The following TTC7B variants were observed in gnomAD, a reference collection of about 807,000 sequenced individuals.
The protein encoded by TTC7B is tetratricopeptide repeat domain 7B.
TTC7B carries 28 observed loss-of-function variants against 106.8 expected under a neutral mutation model. The ratio of observed to expected loss-of-function variants is 0.26; its 90% CI spans 0.19 to 0.36. The LOEUF (loss-of-function observed/expected upper bound fraction) is 0.36. TTC7B is among the 10% of genes least tolerant of loss of function. The probability of loss-of-function intolerance (pLI) is 1.00; values close to 1 mark genes in which losing one functional copy is unlikely to be tolerated. For missense variants in TTC7B, 862 were observed against 1,076.4 expected, an observed-to-expected ratio of 0.80 and a Z score of 2.79; for synonymous variants, 405 against 430.6, an observed-to-expected ratio of 0.94 and a Z score of 0.74.
intron 1 of TTC7B, among the ~76,000 whole-genome samples, chr14:90,801,680 G>A (rs2030275900): frequency 6.6e-6 from 1 of 152,150 alleles, no homozygotes; most frequent in African/African-American, 2.4e-5. Flanking sequence ...GAAGGACCTG[G>A]GAAGAGAAAC....
chr14:90,537,691 T>A lies in TTC7B; in HGVS notation c.*3677A>T, dbSNP rs1163350208. On this transcript the variant is annotated 3_prime_UTR_variant, in exon 20 of 20. Transcript: ENST00000328459. ...CTCCTCCCAGGTTACCTGTCTTTCT[T>A]CAGCCAGATGTCACCTTCTTAGCGA... 6.6e-6 allele frequency: 1 copy of A among 152,316 alleles called. No individual in the cohort carries two copies. Among genetic ancestry groups the A allele is most frequent in the Non-Finnish European group, 1.5e-5 (1 of 68,136 alleles). 9.4% of individuals were successfully genotyped at this position (152,316 alleles called of 1,614,324 possible).
At position 90,538,106 on chromosome 14, in the gene TTC7B, C is replaced by G. The variant is rs910936081; in HGVS notation, c.*3262G>C. On this transcript the variant is annotated 3_prime_UTR_variant, in exon 20 of 20. Coordinates refer to ENST00000328459, the MANE Select transcript of TTC7B (RefSeq NM_001010854.2). ...CAAAAAATGCCTCCACTGGGCAGAC[C>G]TGGGCACTTTTGAAATGTTTATCCC... The G allele has an allele frequency of 4.1e-4, 62 of 152,234 alleles. No individual in the cohort carries two copies. The highest frequency in any genetic ancestry group is 1.3e-3 in the African/African-American group (55 of 41,446). The allele number at this position is 152,234 out of a possible 1,614,324, so 9.4% of individuals were successfully genotyped here. A position where few individuals can be genotyped will look rare whatever the true frequency, so the allele number is the denominator to read the frequency against.
At chr14:90,598,012 G>T (rs1414109272) in intron 17 of TTC7B, among the ~76,000 whole-genome samples, 5 of 152,244 alleles carry the variant, frequency 3.3e-5, no homozygotes, top group Non-Finnish European at 5.9e-5. Flanking sequence ...AGGTAAGCCA[G>T]GGAGAGCACC....
intron 5 of TTC7B, among the ~76,000 whole-genome samples, chr14:90,722,481 G>T (rs1888935012): frequency 6.6e-6 from 1 of 152,178 alleles, no homozygotes; most frequent in African/African-American, 2.4e-5. Context: ...CCTAGAGAAT[G>T]AATTCCCTAT....
chr14:90,593,585 G>C lies in TTC7B; in HGVS notation c.2008C>G (p.Gln670Glu). Residue 670 changes from glutamine to glutamate, a missense_variant, in exon 18 of 20, where the codon CAG (glutamine) becomes GAG (glutamate). By Grantham distance (29) the Gln-to-Glu change is conservative. Coordinates refer to ENST00000328459, the MANE Select transcript of TTC7B (RefSeq NM_001010854.2). ...ATSVAASRVE[Q>E]ALSEVASSLQ... The stretch of plus-strand genomic sequence containing the variant: ...GACGAAGCCACTTCCGACAGTGCCT[G>C]CTCCACTCTTGAGGCTGCTACCGAT... 2 of 1,612,264 alleles carry C rather than the reference G, an allele frequency of 1.2e-6. No individual in the cohort carries two copies. The highest frequency in any genetic ancestry group is 1.1e-5 in the South Asian group (1 of 90,780).
intron 2 of TTC7B, among the ~76,000 whole-genome samples, chr14:90,781,495 C>T (rs1052043532): frequency 2.0e-5 from 3 of 152,170 alleles, no homozygotes; most frequent in Non-Finnish European, 2.9e-5. Context: ...CAAAACCCTG[C>T]GGCTCCCTTC....
intron 9 of TTC7B, among the ~76,000 whole-genome samples, chr14:90,669,505 C>T (rs1175312834): frequency 3.3e-5 from 5 of 151,416 alleles, no homozygotes; most frequent in African/African-American, 9.7e-5. Context: ...CTGAGACCAG[C>T]CCAAGCTGAT....
intron 9 of TTC7B, among the ~76,000 whole-genome samples, chr14:90,667,938 C>A (rs1886474999): frequency 6.6e-6 from 1 of 152,108 alleles, no homozygotes; most frequent in African/African-American, 2.4e-5. Context: ...GATTTTATGT[C>A]CTGTGGCATG....
Position 90,808,794 on chromosome 14 carries a change from C to G in TTC7B, c.121+7381G>C, listed in dbSNP as rs888558387. On this transcript the variant is annotated intron_variant, in intron 1 of 19. Transcript: ENST00000328459. The surrounding 1 kb of genome is among the most constrained non-coding windows in gnomAD (Gnocchi z 4.2). ...AGGCCTGCAACCCGCCACCATCTAC[C>G]AAGCATGAGGTCATTCAGAGGGGCA... Among the ~76,000 whole-genome samples, 7 of 152,302 alleles carry G rather than the reference C, an allele frequency of 4.6e-5. No homozygotes were observed. The highest frequency in any genetic ancestry group is 1.7e-4 in the African/African-American group (7 of 41,552).
At chr14:90,791,619 G>A (rs953724444) in intron 1 of TTC7B, among the ~76,000 whole-genome samples, 5 of 152,164 alleles carry the variant, frequency 3.3e-5, no homozygotes, top group Admixed American at 3.3e-4. Context: ...GGGAGCAGAG[G>A]TGTTGCACGC....
chr14:90,673,526 T>C (rs1645555280), intron 9 of TTC7B, among the ~76,000 whole-genome samples: 2 of 152,102 alleles, frequency 1.3e-5, no homozygotes, highest in Admixed American at 6.5e-5. Context: ...CTGCTGACAG[T>C]GGAGGAAATG....
chr14:90,638,806 C>T (rs1885051491), intron 15 of TTC7B, among the ~76,000 whole-genome samples: 1 of 152,184 alleles, frequency 6.6e-6, no homozygotes. Context: ...AGAGAGGGAC[C>T]CACCTTACAT....
At position 90,661,565 on chromosome 14, in the gene TTC7B, AGAT is replaced by A. The variant is rs149351190; in HGVS notation, c.1153-3181_1153-3179del. On this transcript the variant is annotated intron_variant, in intron 9 of 19. Transcript: ENST00000328459. Reference sequence around the variant, plus strand: ...GGATGAGGGACGATGGAGGAGGAGGAGATGAGAATGATCACTGTGGCTGAAATA... The same window carrying A: ...GGATGAGGGACGATGGAGGAGGAGGAGAGAATGATCACTGTGGCTGAAATA... 5.8e-3 allele frequency among the ~76,000 whole-genome samples: 888 copies of A among 152,174 alleles called. 8 individuals carry two copies. Among genetic ancestry groups the A allele is most frequent in the African/African-American group, 0.02 (849 of 41,514 alleles).
intron 3 of TTC7B, among the ~76,000 whole-genome samples, chr14:90,774,751 C>T (rs2140029664): frequency 6.6e-6 from 1 of 152,308 alleles, no homozygotes; most frequent in South Asian, 2.1e-4. Flanking sequence ...TAAAGAGTCC[C>T]CCGCTAGGCT....
chr14:90,780,890 T>C lies in TTC7B; in HGVS notation c.293A>G (p.Glu98Gly), dbSNP rs1451763579. The C allele has an allele frequency of 1.2e-6, 2 of 1,614,082 alleles. No individual in the cohort carries two copies. The highest frequency in any genetic ancestry group is 2.7e-5 in the African/African-American group (2 of 74,948). The change falls in exon 3 of 20, where the codon GAA becomes GGA. Residue 98 changes from glutamate (E) to glycine (G), a missense_variant. Transcript: ENST00000328459. ...CAACTTGGCCATGATCAGATTGGAT[T>C]CTTGTAGGAATTCTGACTAGAAGCA... is the stretch of plus-strand genomic sequence containing the variant. ...RGNLKSEFLQ[E>G]SNLIMAKLNY...
rs1249819328 is a variant in TTC7B, at chr14:90,759,571, G to A, written c.446-14649C>T. Reference sequence around the variant, plus strand: ...GCCCAGAGAGTCACCTGCTGTCAGAGGAAATGAGCAGTGGGAGGCAGTCCC... The same window carrying A: ...GCCCAGAGAGTCACCTGCTGTCAGAAGAAATGAGCAGTGGGAGGCAGTCCC... On this transcript the variant is annotated intron_variant, in intron 3 of 19. Coordinates refer to ENST00000328459, the MANE Select transcript of TTC7B (RefSeq NM_001010854.2). The surrounding 1 kb of genome is among the most constrained non-coding windows in gnomAD (Gnocchi z 4.1). Among the ~76,000 whole-genome samples, 1 of 152,210 alleles carries A rather than the reference G, an allele frequency of 6.6e-6. No individual in the cohort carries two copies. The highest frequency in any genetic ancestry group is 1.5e-5 in the Non-Finnish European group (1 of 68,042).
intron 9 of TTC7B, among the ~76,000 whole-genome samples, chr14:90,671,763 T>C (rs995969266): frequency 1.3e-5 from 2 of 152,228 alleles, no homozygotes; most frequent in African/African-American, 4.8e-5. Context: ...GTGTCTCCTT[T>C]GTACAATGCT....
intron 11 of TTC7B, among the ~76,000 whole-genome samples, chr14:90,656,116 A>G (rs1248456695): frequency 1.3e-5 from 2 of 152,310 alleles, no homozygotes; most frequent in South Asian, 2.1e-4. Flanking sequence ...TTCAGGTGAG[A>G]GCCTGTGCTT....
intron 18 of TTC7B, among the ~76,000 whole-genome samples, chr14:90,592,748 G>C (rs1025927187): frequency 2.6e-4 from 39 of 151,986 alleles, no homozygotes; most frequent in African/African-American, 8.7e-4. Context: ...TTATTTTTGG[G>C]CTTTTTAGTG....
Sources: gnomAD v4.1 joint callset for allele counts (sites outside exome capture counted in the v4.1 genomes callset) on GRCh38, gnomAD v4.1.1 for gene constraint, Gnocchi (gnomAD v3.1) non-coding constraint, MANE v1.5 for transcripts, NCBI Gene and HGNC (gene_info 2026-07-23, HGNC 2026-07-21) for gene names.